DRC3: variants seen among roughly 807,000 people sequenced by gnomAD.
The protein encoded by DRC3 is leucine rich repeat containing 48.
DRC3 carries 45 observed loss-of-function variants against 57.6 expected under a neutral mutation model. That is an observed-to-expected ratio of 0.78 (90% CI 0.62 to 1.00). The LOEUF is 1.00. Ranked by LOEUF, DRC3 falls within the 50% of genes least tolerant of loss-of-function variation. The pLI, the probability that DRC3 is intolerant of heterozygous loss-of-function variation, is 0.00. For synonymous variants in DRC3, 257 were observed against 272.3 expected, an observed-to-expected ratio of 0.94 and a Z score of 0.55; for missense variants, 655 against 675.2, an observed-to-expected ratio of 0.97 and a Z score of 0.33.
chr17:17,997,643 C>T lies in DRC3; in HGVS notation c.999+9C>T, dbSNP rs369441797. The stretch of plus-strand genomic sequence containing the variant: ...AGGAGAAGCACTTGTCGGTAGGCCC[C>T]GAGCCTCCTGAGGCCCTCCCTGTCT... On this transcript the variant is annotated intron_variant, in intron 9 of 13. Transcript: ENST00000399187. The T allele has an allele frequency of 1.4e-5, 23 of 1,588,378 alleles. No homozygotes were observed. Among genetic ancestry groups the T allele is most frequent in the African/African-American group, 5.4e-5 (4 of 74,018 alleles).
chr17:17,988,774 G>A (rs192433138), intron 5 of DRC3, among the ~76,000 whole-genome samples: 8 of 152,328 alleles, frequency 5.3e-5, no homozygotes, highest in East Asian at 1.9e-4. Flanking sequence ...GCTGTGGGCC[G>A]TGGTGGCTTA....
chr17:17,987,214 CAAA>C (rs1046062123), intron 4 of DRC3, among the ~76,000 whole-genome samples: 2,057 of 45,032 alleles, frequency 0.046, 15 homozygotes, highest in Middle Eastern at 0.093. Context: ...GACCCTGTCT[CAAA>C]AAAAAAAAAA....
chr17:17,997,512 A>G lies in DRC3; in HGVS notation c.877A>G (p.Lys293Glu). ...ICVNIFEYGL[K>E]QQEKRKTELD... ...CGTGAATATTTTTGAGTATGGCCTG[A>G]AACAGCAGGAGAAGCGGAAAACAGA... Residue 293 changes from lysine to glutamate, a missense_variant, in exon 9 of 14, where the codon AAA becomes GAA. Coordinates refer to ENST00000399187, the MANE Select transcript of DRC3 (RefSeq NM_031294.4). 6.2e-7 allele frequency: 1 copy of G among 1,612,918 alleles called. No homozygotes were observed. The highest frequency in any genetic ancestry group is 2.2e-5 in the East Asian group (1 of 44,824).
chr17:18,007,608 CA>C (rs2044027914), intron 12 of DRC3: 1 of 1,434,380 alleles, frequency 7.0e-7, no homozygotes, highest in Non-Finnish European at 9.2e-7. Flanking sequence ...TGAATGGTCA[CA>C]AAATCAGCAG....
chr17:18,004,083 G>A (rs1441156133), intron 9 of DRC3, among the ~76,000 whole-genome samples: 2 of 152,140 alleles, frequency 1.3e-5, no homozygotes, highest in Non-Finnish European at 2.9e-5. Context: ...TGAGCTTACA[G>A]GGAGTGAGCA....
intron 10 of DRC3, 148 bp downstream of exon 10, chr17:18,004,642 C>T: frequency 1.3e-6 from 1 of 780,442 alleles, no homozygotes; most frequent in Non-Finnish European, 2.0e-6. Flanking sequence ...CTCATCAGTC[C>T]TGTTTGCTTT....
chr17:18,005,971 A>T (rs1383166003), intron 10 of DRC3: 3 of 562,464 alleles, frequency 5.3e-6, no homozygotes, highest in Non-Finnish European at 9.6e-6. Context: ...AAACATTCAG[A>T]TGGTGAGGGA....
Position 17,994,299 on chromosome 17 carries a change from A to G in DRC3, c.592A>G (p.Lys198Glu). The change falls in exon 7 of 14, where the codon AAA (lysine) becomes GAA (glutamate). Residue 198 changes from lysine (K) to glutamate (E), a missense_variant and splice_region_variant. Lys to Glu is a moderately conservative substitution (Grantham distance 56). Coordinates refer to ENST00000399187, the MANE Select transcript of DRC3 (RefSeq NM_031294.4). ...LDYRRIDDHT[K>E]KLAEAKHQYS... ...AATGCCACTCCCGTTCCCTGGTCAG[A>G]AAAAGCTTGCGGAGGCTAAGCACCA... 1 of 1,551,794 alleles carries G rather than the reference A, an allele frequency of 6.4e-7. No homozygotes were observed. Among genetic ancestry groups the G allele is most frequent in the Non-Finnish European group, 8.7e-7 (1 of 1,147,022 alleles).
At chr17:18,007,654 T>C (rs1197120137) in intron 12 of DRC3, 3 of 1,373,490 alleles carry the variant, frequency 2.2e-6, no homozygotes, top group African/African-American at 2.9e-5. Flanking sequence ...ATCCCTGGGG[T>C]CTGCACGCTA....
In DRC3 at chr17:17,995,094, C is replaced by T. The variant is rs764932947; in HGVS notation, c.807C>T (p.Val269=). The change falls in exon 8 of 14, where the codon GTC becomes GTT. Residue 269 remains valine (V), a synonymous_variant. Coordinates refer to ENST00000399187, the MANE Select transcript of DRC3 (RefSeq NM_031294.4). ...ACAATCTGTCCTACCTGCCTGGTGT[C>T]GGTGAGCTCCTTGAGACATATCCTT... ...EGNNLSYLPG[V]GELLETYKDK... is the part of the protein sequence containing the mutation. 1.1e-5 allele frequency: 17 copies of T among 1,613,112 alleles called. No homozygotes were observed. Among genetic ancestry groups the T allele is most frequent in the South Asian group, 2.2e-5 (2 of 91,040 alleles).
chr17:17,974,526 C>CT (rs1480528074), intron 2 of DRC3, among the ~76,000 whole-genome samples: 14 of 152,222 alleles, frequency 9.2e-5, no homozygotes, highest in Admixed American at 9.2e-4. Flanking sequence ...CATGCACCAC[C>CT]ATGCCCAGCT....
At chr17:17,999,867 G>A (rs546054630) in intron 9 of DRC3, among the ~76,000 whole-genome samples, 4 of 152,374 alleles carry the variant, frequency 2.6e-5, no homozygotes, top group Admixed American at 2.6e-4. Context: ...GGCACAGCCT[G>A]AAGAATGGCC....
In DRC3 at chr17:17,987,970, G is replaced by C; in HGVS notation, c.316G>C (p.Asp106His). Residue 106 changes from aspartate to histidine, a missense_variant, in exon 5 of 14, where the codon GAC (aspartate) becomes CAC (histidine). By Grantham distance (81) the Asp-to-His change is moderately conservative (BLOSUM62 -1). Coordinates refer to ENST00000399187, the MANE Select transcript of DRC3 (RefSeq NM_031294.4). ...CAACATTGAGACCATCGAGGGGCTG[G>C]ACACACTGGTGAACCTGGAGGACCT... ...FNNIETIEGL[D>H]TLVNLEDLSL... 1 of 1,613,968 alleles carries C rather than the reference G, an allele frequency of 6.2e-7. No individual in the cohort carries two copies. The highest frequency in any genetic ancestry group is 8.5e-7 in the Non-Finnish European group (1 of 1,179,886).
rs71155309 is a variant in DRC3 at position 18,003,484 on chromosome 17, TAAAAAAAAAAAAAAAAAAAA to T, written c.1000-866_1000-847del. On this transcript the variant is annotated intron_variant, in intron 9 of 13. Transcript: ENST00000399187. ...GGGTGACAGAGTGAGACTACGTCTTTAAAAAAAAAAAAAAAAAAAAAAAAAAAAAAAAGAATGGTTTCTTT... is the reference window on the plus strand; with the variant it reads ...GGGTGACAGAGTGAGACTACGTCTTTAAAAAAAAAAAAGAATGGTTTCTTT... Among the ~76,000 whole-genome samples the T allele has an allele frequency of 9.3e-3, 280 of 30,158 alleles. 8 individuals are homozygous for T. The East Asian group carries it at 0.2, about 21-fold the overall frequency. The allele number at this position is 30,158 out of a possible 152,430, so 19.8% of individuals were successfully genotyped here.
intron 5 of DRC3, among the ~76,000 whole-genome samples, chr17:17,988,803 G>C (rs1354659234): frequency 2.0e-5 from 3 of 152,162 alleles, no homozygotes. Flanking sequence ...ACCTGGGAGG[G>C]TCAAGCGCTG....
At chr17:17,985,418 C>T (rs1168309934) in intron 4 of DRC3, among the ~76,000 whole-genome samples, 1 of 152,220 alleles carries the variant, frequency 6.6e-6, no homozygotes. Context: ...AGAGTATAGG[C>T]AGAAGCTGGT....
intron 2 of DRC3, among the ~76,000 whole-genome samples, chr17:17,974,256 C>G (rs935024756): frequency 2.6e-5 from 4 of 152,234 alleles, no homozygotes; most frequent in Non-Finnish European, 4.4e-5. Context: ...AGAAATTTCT[C>G]CCATCTACAT....
At chr17:17,978,035 A>G in intron 3 of DRC3, 1 of 309,808 alleles carries the variant, frequency 3.2e-6, no homozygotes, top group Admixed American at 4.7e-5. Context: ...GTGAGCCCCC[A>G]AGACTATGCT....
At chr17:18,007,658 C>G (rs1434841906) in intron 12 of DRC3, 1 of 1,370,480 alleles carries the variant, frequency 7.3e-7, no homozygotes, top group Non-Finnish European at 9.4e-7. Context: ...CTGGGGTCTG[C>G]ACGCTAAGAA....
Sources: gnomAD v4.1 joint callset for allele counts (sites outside exome capture counted in the v4.1 genomes callset) on GRCh38, gnomAD v4.1.1 for gene constraint, MANE v1.5 for transcripts, NCBI Gene and HGNC (gene_info 2026-07-23, HGNC 2026-07-21) for gene names.